The following GLRA1 variants were observed in gnomAD, a reference collection of about 807,000 sequenced individuals.
The protein encoded by GLRA1 is glycine receptor subunit alpha-1.
GLRA1 carries 37 observed loss-of-function variants against 48.3 expected under a neutral mutation model. That is an observed-to-expected ratio of 0.77 (90% confidence interval 0.59 to 1.01). The LOEUF (loss-of-function observed/expected upper bound fraction) is 1.01, where lower values mean the gene tolerates loss of function less well. Among genes scored for constraint, GLRA1 ranks in the 50% least tolerant of loss-of-function variants. The probability of loss-of-function intolerance (pLI) is 0.00; values close to 1 mark genes in which losing one functional copy is unlikely to be tolerated. For missense variants in GLRA1, 427 were observed against 571.0 expected (o/e 0.75, Z 2.57); for synonymous variants, 196 against 210.7 (o/e 0.93, Z 0.60).
chr5:151,880,059 CT>C (rs1753724648), intron 3 of GLRA1, among the ~76,000 whole-genome samples: 1 of 152,226 alleles, frequency 6.6e-6, no homozygotes, highest in Admixed American at 6.5e-5. Flanking sequence ...GTGACTTGCT[CT>C]TCCTTGCCTT....
Position 151,855,127 on chromosome 5 carries a change from C to A in GLRA1, c.610G>T (p.Val204Leu). Residue 204 changes from valine to leucine, a missense_variant, in exon 6 of 9, where the codon GTG becomes TTG. Val to Leu is a conservative substitution (Grantham distance 32, BLOSUM62 1). Coordinates refer to ENST00000274576, the MANE Select transcript of GLRA1 (RefSeq NM_000171.4). ...AGAGTTAGTCCATCTGCTACCTGCACGGCTCCCTGTTCCTGCCACTCAAAG... is the reference window on the plus strand; with the variant it reads ...AGAGTTAGTCCATCTGCTACCTGCAAGGCTCCCTGTTCCTGCCACTCAAAG... Reference protein sequence around the residue: ...LIFEWQEQGAVQVADGLTLPQ... With the variant: ...LIFEWQEQGALQVADGLTLPQ... 1 of 1,613,782 alleles carries A rather than the reference C, an allele frequency of 6.2e-7. No homozygotes were observed. The highest frequency in any genetic ancestry group is 8.5e-7 in the Non-Finnish European group (1 of 1,179,678).
At chr5:151,844,902 G>C (rs1752628284) in intron 7 of GLRA1, among the ~76,000 whole-genome samples, 1 of 152,130 alleles carries the variant, frequency 6.6e-6, no homozygotes, top group Non-Finnish European at 1.5e-5. Flanking sequence ...GAGGGCCTCA[G>C]GCTGCTTCCA....
intron 1 of GLRA1, among the ~76,000 whole-genome samples, chr5:151,900,622 C>T (rs1021060840): frequency 1.3e-5 from 2 of 152,120 alleles, no homozygotes; most frequent in African/African-American, 4.8e-5. Context: ...TTGATCTGTC[C>T]AATTCTGGCA....
At position 151,902,541 on chromosome 5, in the gene GLRA1, A is replaced by T. The variant is rs1754389663; in HGVS notation, c.57-10103T>A. On this transcript the variant is annotated intron_variant, in intron 1 of 8. Transcript: ENST00000274576. ...ACAGATGCTATGGAAATAAACTTTC[A>T]TTTCTCAGGTTAGTCAACTTTATTC... Among the ~76,000 whole-genome samples the T allele has an allele frequency of 2.0e-5, 3 of 152,242 alleles. No individual in the cohort carries two copies. In the South Asian group the frequency reaches 6.2e-4, roughly 32 times the overall value.
At chr5:151,882,874 G>A (rs1179278157) in intron 3 of GLRA1, among the ~76,000 whole-genome samples, 1 of 152,068 alleles carries the variant, frequency 6.6e-6, no homozygotes, top group African/African-American at 2.4e-5. Context: ...AGGTTATTGG[G>A]AACAGACTTT....
rs1210847781 is a variant in GLRA1, at chr5:151,822,831, A to G, written c.1192T>C (p.Ser398Pro). The change falls in exon 9 of 9, where the codon TCT becomes CCT. Residue 398 changes from serine (S) to proline (P), a missense_variant. This residue lies in a region of GLRA1 where 121 missense variants were observed against 96.5 expected (regional missense o/e 1.25). Coordinates refer to ENST00000274576, the MANE Select transcript of GLRA1 (RefSeq NM_000171.4). ...SNTTNPPPAP[S>P]KSPEEMRKLF... is the part of the protein sequence containing the mutation. ...TTTCGCATCTCCTCTGGGGACTTAG[A>G]TGGTGCAGGAGGGGGGTTGGTGGTG... The G allele has an allele frequency of 7.4e-6, 12 of 1,613,970 alleles. No individual in the cohort carries two copies. In the Admixed American group the frequency reaches 1.5e-4, roughly 20 times the overall value.
intron 3 of GLRA1, among the ~76,000 whole-genome samples, chr5:151,883,940 G>A (rs902711857): frequency 3.3e-5 from 5 of 151,738 alleles, no homozygotes; most frequent in African/African-American, 9.7e-5. Context: ...GGTGGGAAAT[G>A]GGGGGTGAGG....
rs1752850703 is a variant in GLRA1 at position 151,849,760 on chromosome 5, G to T, written c.912+1630C>A. ...GTAGAGACGTGGTTTCACTATGTTG[G>T]CCAGGCTGGTCTCCAACTCCTGACC... On this transcript the variant is annotated intron_variant, in intron 7 of 8. Transcript: ENST00000274576. The T allele has an allele frequency of 1.2e-5, 6 of 485,630 alleles. No individual in the cohort carries two copies. The South Asian group carries it at 1.7e-4, about 14-fold the overall frequency. The allele number at this position is 485,630 out of a possible 1,614,324, so 30.1% of individuals were successfully genotyped here.
chr5:151,822,564 T>C lies in GLRA1; in HGVS notation c.*109A>G. 1 of 782,838 alleles carries C rather than the reference T, an allele frequency of 1.3e-6. No homozygotes were observed. Among genetic ancestry groups the C allele is most frequent in the Admixed American group, 1.9e-5 (1 of 53,080 alleles). The allele number at this position is 782,838 out of a possible 1,614,324, so 48.5% of individuals were successfully genotyped here. On this transcript the variant is annotated 3_prime_UTR_variant, in exon 9 of 9. Transcript: ENST00000274576. ...CTATTGCACATATTGCAGAGAGAGT[T>C]GTGTAAGTGTGCCCCCTCCCTCCGT... is the stretch of plus-strand genomic sequence containing the variant.
chr5:151,889,994 G>A (rs1251736844), intron 2 of GLRA1, among the ~76,000 whole-genome samples: 3 of 152,102 alleles, frequency 2.0e-5, no homozygotes, highest in African/African-American at 7.2e-5. Flanking sequence ...GGGCCCAAGT[G>A]TTCCGAGTAA....
intron 1 of GLRA1, among the ~76,000 whole-genome samples, chr5:151,922,763 G>A (rs1304385904): frequency 6.6e-6 from 1 of 152,198 alleles, no homozygotes; most frequent in Non-Finnish European, 1.5e-5. Context: ...GAAAGACAAT[G>A]TCTGGAGAGG....
intron 7 of GLRA1, among the ~76,000 whole-genome samples, chr5:151,834,820 G>A (rs1430083879): frequency 6.6e-6 from 1 of 152,080 alleles, no homozygotes; most frequent in East Asian, 1.9e-4. Context: ...GAGGTCAAGA[G>A]ATCAAGACCA....
At chr5:151,893,405 A>G (rs548286180) in intron 1 of GLRA1, among the ~76,000 whole-genome samples, 8 of 147,350 alleles carry the variant, frequency 5.4e-5, no homozygotes, top group African/African-American at 1.5e-4. Flanking sequence ...GGTTTGTTAC[A>G]TAGGTATACA....
intron 1 of GLRA1, among the ~76,000 whole-genome samples, chr5:151,911,097 A>G (rs1754597708): frequency 6.6e-6 from 1 of 152,234 alleles, no homozygotes; most frequent in African/African-American, 2.4e-5. Flanking sequence ...AGCCAACATA[A>G]CAGGGTGGAT....
At chr5:151,902,301 G>A (rs1012025080) in intron 1 of GLRA1, among the ~76,000 whole-genome samples, 1 of 151,932 alleles carries the variant, frequency 6.6e-6, no homozygotes, top group African/African-American at 2.4e-5. Flanking sequence ...CATAACTGGA[G>A]CGCTCCAGGT....
At chr5:151,848,408 C>T (rs1487239367) in intron 7 of GLRA1, among the ~76,000 whole-genome samples, 4 of 152,036 alleles carry the variant, frequency 2.6e-5, no homozygotes, top group African/African-American at 4.8e-5. Flanking sequence ...ACTCTGTTGC[C>T]CAGGCTGGAG....
At chr5:151,843,423 G>A (rs1752563213) in intron 7 of GLRA1, among the ~76,000 whole-genome samples, 2 of 151,808 alleles carry the variant, frequency 1.3e-5, no homozygotes, top group South Asian at 4.2e-4. Flanking sequence ...ACCATGCCTG[G>A]CTAATATTTT....
At chr5:151,831,600 A>G (rs1332352781) in intron 7 of GLRA1, among the ~76,000 whole-genome samples, 1 of 152,166 alleles carries the variant, frequency 6.6e-6, no homozygotes. Context: ...GTGTCTCTAG[A>G]TTCCTCCTCT....
intron 7 of GLRA1, among the ~76,000 whole-genome samples, chr5:151,845,095 T>A (rs183090045): frequency 6.6e-6 from 1 of 152,326 alleles, no homozygotes; most frequent in Admixed American, 6.5e-5. Flanking sequence ...GTTACATAGG[T>A]GTATTACCTG....
Sources: gnomAD v4.1 joint callset for allele counts (sites outside exome capture counted in the v4.1 genomes callset) on GRCh38, gnomAD v4.1.1 for gene constraint, gnomAD v4.1.1 regional missense constraint, MANE v1.5 for transcripts, NCBI Gene and HGNC (gene_info 2026-07-23, HGNC 2026-07-21) for gene names.